The following TAF4B variants were observed in gnomAD, a reference collection of about 807,000 sequenced individuals.
The protein encoded by TAF4B is transcription initiation factor TFIID subunit 4B.
TAF4B carries 38 observed loss-of-function variants against 86.4 expected under a neutral mutation model. The ratio of observed to expected loss-of-function variants is 0.44; its 90% confidence interval spans 0.34 to 0.58. The LOEUF (loss-of-function observed/expected upper bound fraction) is 0.58. TAF4B is among the 20% of genes least tolerant of loss of function. The pLI is 0.02. For missense variants in TAF4B, 988 were observed against 1,027.6 expected (o/e 0.96, Z 0.53); for synonymous variants, 388 against 391.2 (o/e 0.99, Z 0.10).
chr18:26,238,366 A>T (rs2055781824), intron 1 of TAF4B, among the ~76,000 whole-genome samples: 1 of 152,046 alleles, frequency 6.6e-6, no homozygotes, highest in African/African-American at 2.4e-5. Flanking sequence ...TATGAATAGG[A>T]AGGATATAAT....
At chr18:26,315,161 T>TCTCTCTGTCTCTCACA (rs1282068871) in intron 9 of TAF4B, 68 bp from the exon 10 acceptor site, 1 of 210,592 alleles carries the variant, frequency 4.7e-6, no homozygotes, top group African/African-American at 3.8e-5. Context: ...TCTCTCTCTC[T>TCTCTCTGTCTCTCACA]CACACACACA....
At chr18:26,269,301 G>A (rs2056283715) in intron 3 of TAF4B, among the ~76,000 whole-genome samples, 2 of 152,054 alleles carry the variant, frequency 1.3e-5, no homozygotes, top group Non-Finnish European at 2.9e-5. Context: ...CTATGGGTTT[G>A]TCCTGTTGGG....
chr18:26,363,404 C>T (rs1483560421), intron 14 of TAF4B, among the ~76,000 whole-genome samples: 3 of 134,708 alleles, frequency 2.2e-5, no homozygotes, highest in African/African-American at 5.5e-5. Flanking sequence ...AAAAAGGCAG[C>T]GCGTGGTGGT....
At position 26,244,982 on chromosome 18, in the gene TAF4B, G is replaced by T. The variant is rs8093966; in HGVS notation, c.343+17706G>T. On this transcript the variant is annotated intron_variant, in intron 1 of 14. Coordinates refer to ENST00000269142, the MANE Select transcript of TAF4B (RefSeq NM_005640.3). ...GAGCTGAATGTCTTTCCTCTCTGTC[G>T]ACCCTTGGCTCAGCCCAGAAGTATA... Among the ~76,000 whole-genome samples the T allele has an allele frequency of 5.3e-4, 81 of 152,214 alleles. 1 individual carries two copies. Among genetic ancestry groups the T allele is most frequent in the African/African-American group, 1.9e-3 (80 of 41,544 alleles).
At chr18:26,292,886 TA>T (rs1263456308) in intron 8 of TAF4B, among the ~76,000 whole-genome samples, 2 of 152,164 alleles carry the variant, frequency 1.3e-5, no homozygotes, top group Non-Finnish European at 2.9e-5. Flanking sequence ...TGTTTTGGAA[TA>T]AAAAAAGCAA....
intron 12 of TAF4B, among the ~76,000 whole-genome samples, chr18:26,328,643 G>A (rs1209052751): frequency 1.3e-5 from 2 of 151,594 alleles, no homozygotes; most frequent in Non-Finnish European, 2.9e-5. Flanking sequence ...TGTTTTTTGA[G>A]CAATCTCTCT....
chr18:26,346,536 T>A (rs1474619991), intron 13 of TAF4B, among the ~76,000 whole-genome samples: 1 of 151,310 alleles, frequency 6.6e-6, no homozygotes. Flanking sequence ...CCCAAACAAG[T>A]CCTCTCCTAG....
chr18:26,245,848 G>A (rs754645936), intron 1 of TAF4B, among the ~76,000 whole-genome samples: 13 of 152,214 alleles, frequency 8.5e-5, no homozygotes, highest in Non-Finnish European at 1.9e-4. Context: ...GTAGTCCACT[G>A]TATTGACATA....
intron 14 of TAF4B, among the ~76,000 whole-genome samples, chr18:26,388,688 T>C (rs1165051264): frequency 6.6e-6 from 1 of 152,228 alleles, no homozygotes; most frequent in East Asian, 1.9e-4. Context: ...GCAGTTAAGA[T>C]GTCTTGTAAA....
intron 1 of TAF4B, among the ~76,000 whole-genome samples, chr18:26,247,179 A>G (rs1164247853): frequency 6.6e-6 from 1 of 152,130 alleles, no homozygotes; most frequent in Admixed American, 6.5e-5. Context: ...CTCATTCTTA[A>G]TGTCAGCTAT....
chr18:26,349,365 AAAG>A (rs1374895650), intron 13 of TAF4B, among the ~76,000 whole-genome samples: 2 of 152,198 alleles, frequency 1.3e-5, no homozygotes, highest in African/African-American at 4.8e-5. Context: ...ATTTAAAAAA[AAAG>A]AATCAGTAGT....
intron 10 of TAF4B, among the ~76,000 whole-genome samples, chr18:26,319,673 T>A (rs926097639): frequency 6.6e-6 from 1 of 152,118 alleles, no homozygotes; most frequent in Admixed American, 6.5e-5. Context: ...CACTGCAATT[T>A]CCGCCTCCCA....
chr18:26,341,405 A>T (rs1417365713), intron 13 of TAF4B, among the ~76,000 whole-genome samples: 1 of 152,192 alleles, frequency 6.6e-6, no homozygotes, highest in East Asian at 1.9e-4. Flanking sequence ...GACTGGAAAG[A>T]AAATGAGAAG....
chr18:26,324,934 A>G (rs1416173254), intron 11 of TAF4B, among the ~76,000 whole-genome samples: 2 of 151,486 alleles, frequency 1.3e-5, no homozygotes, highest in African/African-American at 4.9e-5. Context: ...CATCCCTGAT[A>G]GGATTTATTT....
At chr18:26,257,745 C>T (rs1598732292) in intron 1 of TAF4B, among the ~76,000 whole-genome samples, 1 of 151,890 alleles carries the variant, frequency 6.6e-6, no homozygotes, top group East Asian at 1.9e-4. Flanking sequence ...ACAATATGAA[C>T]CTCATTGGAA....
At chr18:26,355,140 G>A (rs1275117225) in intron 13 of TAF4B, among the ~76,000 whole-genome samples, 1 of 152,174 alleles carries the variant, frequency 6.6e-6, no homozygotes, top group Non-Finnish European at 1.5e-5. Context: ...ATTTGGGAGA[G>A]AGCAATTATA....
chr18:26,388,637 CTT>C (rs1307261722), intron 14 of TAF4B, among the ~76,000 whole-genome samples: 1 of 152,164 alleles, frequency 6.6e-6, no homozygotes, highest in Non-Finnish European at 1.5e-5. Context: ...AGAATGGCCT[CTT>C]TGCTAATCTC....
intron 9 of TAF4B, chr18:26,295,296 C>A (rs1159430903): frequency 3.3e-6 from 1 of 299,226 alleles, no homozygotes; most frequent in South Asian, 2.9e-5. Flanking sequence ...CTGGTAAATT[C>A]CTCAGGAAAG....
chr18:26,384,143 T>C (rs1284909107), intron 14 of TAF4B, among the ~76,000 whole-genome samples: 1 of 152,202 alleles, frequency 6.6e-6, no homozygotes, highest in Non-Finnish European at 1.5e-5. Context: ...ACTTGAGCTA[T>C]CCCTTAAGAG....
Sources: gnomAD v4.1 joint callset for allele counts (sites outside exome capture counted in the v4.1 genomes callset) on GRCh38, gnomAD v4.1.1 for gene constraint, MANE v1.5 for transcripts, NCBI Gene and HGNC (gene_info 2026-07-23, HGNC 2026-07-21) for gene names.